The following PTPRC variants were observed in gnomAD, a reference collection of about 807,000 sequenced individuals.
The protein encoded by PTPRC is receptor-type tyrosine-protein phosphatase C.
A neutral mutation model predicts 155.9 loss-of-function variants in PTPRC; 44 were observed. The observed-to-expected ratio is 0.28, with a 90% CI of 0.22 to 0.36. The LOEUF (loss-of-function observed/expected upper bound fraction) is 0.36, where lower values mean the gene tolerates loss of function less well. Among genes scored for constraint, PTPRC ranks in the 10% least tolerant of loss-of-function variants. The pLI is 1.00. For synonymous variants in PTPRC, 525 were observed against 533.1 expected (o/e 0.98, Z 0.21); for missense variants, 1,401 against 1,564.6 (o/e 0.90, Z 1.76).
rs1026981753 is a variant in PTPRC, at chr1:198,692,378, G to A, written c.100+5G>A. On this transcript the variant is annotated splice_donor_5th_base_variant and intron_variant, in intron 3 of 32. Coordinates refer to ENST00000442510, the MANE Select transcript of PTPRC (RefSeq NM_002838.5). ...GCCCAACACCTTCCCCCACTGGTAA[G>A]AATTAATATTTATATTTTTACTAAT... 2.8e-6 allele frequency: 4 copies of A among 1,448,270 alleles called. No individual in the cohort carries two copies. Among genetic ancestry groups the A allele is most frequent in the Non-Finnish European group, 3.7e-6 (4 of 1,092,790 alleles). The allele number at this position is 1,448,270 out of a possible 1,614,324, so 89.7% of individuals were successfully genotyped here.
chr1:198,639,265 A>C lies in PTPRC; in HGVS notation c.-4A>C, dbSNP rs376285687. 36 of 1,613,164 alleles carry C rather than the reference A, an allele frequency of 2.2e-5. No homozygotes were observed. Among genetic ancestry groups the C allele is most frequent in the African/African-American group, 2.7e-5 (2 of 74,890 alleles). On this transcript the variant is annotated 5_prime_UTR_variant, in exon 2 of 33. Transcript: ENST00000442510. ...TTTCTTAGGGACACGGCTGACTTCCAGATATGACCATGTATTTGTGGCTTA... is the reference window on the plus strand; with the variant it reads ...TTTCTTAGGGACACGGCTGACTTCCCGATATGACCATGTATTTGTGGCTTA...
At chr1:198,747,731 T>C (rs1047808566) in intron 26 of PTPRC, among the ~76,000 whole-genome samples, 2 of 151,946 alleles carry the variant, frequency 1.3e-5, no homozygotes, top group Non-Finnish European at 2.9e-5. Context: ...CTCCTAAGAA[T>C]GTGTTGTCTC....
At chr1:198,687,176 A>C (rs1431485736) in intron 2 of PTPRC, among the ~76,000 whole-genome samples, 1 of 152,130 alleles carries the variant, frequency 6.6e-6, no homozygotes. Flanking sequence ...TATTTTAAGT[A>C]GAGACGAGGT....
At chr1:198,750,343 C>G in intron 28 of PTPRC, 149 bp from the exon 29 acceptor site, 1 of 801,666 alleles carries the variant, frequency 1.2e-6, no homozygotes, top group Non-Finnish European at 2.1e-6. Flanking sequence ...ATAGCTATTA[C>G]ATTGTTTCTT....
chr1:198,749,680 A>G (rs1655294239), intron 28 of PTPRC, 131 bp downstream of exon 28: 2 of 847,556 alleles, frequency 2.4e-6, no homozygotes, highest in East Asian at 5.4e-5. Flanking sequence ...GATTGACATG[A>G]GAGTTTCAAT....
intron 2 of PTPRC, among the ~76,000 whole-genome samples, chr1:198,686,690 A>T (rs1665643051): frequency 6.6e-6 from 1 of 152,226 alleles, no homozygotes; most frequent in Non-Finnish European, 1.5e-5. Flanking sequence ...CATATATTGT[A>T]GTGTAATTTG....
At chr1:198,682,516 A>G (rs1297733140) in intron 2 of PTPRC, among the ~76,000 whole-genome samples, 2 of 152,184 alleles carry the variant, frequency 1.3e-5, no homozygotes, top group African/African-American at 2.4e-5. Context: ...TGCTGTAAAC[A>G]CGTTTCTACA....
intron 22 of PTPRC, 130 bp downstream of exon 22, chr1:198,734,555 A>C: frequency 1.2e-6 from 1 of 835,190 alleles, no homozygotes; most frequent in Non-Finnish European, 2.0e-6. Flanking sequence ...ATCAGTGTTA[A>C]CATTTAATTT....
chr1:198,739,352 G>T (rs556632763), intron 23 of PTPRC, among the ~76,000 whole-genome samples: 20 of 151,830 alleles, frequency 1.3e-4, no homozygotes, highest in Non-Finnish European at 2.5e-4. Context: ...CACCTGTAAA[G>T]ACACAAATAG....
At chr1:198,740,581 C>A (rs1443371502) in intron 23 of PTPRC, among the ~76,000 whole-genome samples, 1 of 149,126 alleles carries the variant, frequency 6.7e-6, no homozygotes. Context: ...GACTTTATCT[C>A]AAAAAAAAAG....
chr1:198,716,564 A>T, intron 12 of PTPRC, 118 bp from the exon 13 acceptor site: 2 of 846,506 alleles, frequency 2.4e-6, no homozygotes, highest in Non-Finnish European at 3.8e-6. Context: ...CTTATTTTTC[A>T]ATCACTCAAT....
chr1:198,737,004 A>G (rs1654673298), intron 23 of PTPRC, among the ~76,000 whole-genome samples: 2 of 151,796 alleles, frequency 1.3e-5, no homozygotes, highest in African/African-American at 4.8e-5. Context: ...AGAAATGTCT[A>G]TTCAGATCTT....
At chr1:198,670,456 TAC>T (rs1664578588) in intron 2 of PTPRC, among the ~76,000 whole-genome samples, 1 of 152,096 alleles carries the variant, frequency 6.6e-6, no homozygotes, top group Non-Finnish European at 1.5e-5. Context: ...ATTAATAACT[TAC>T]ACAAAAAATT....
intron 2 of PTPRC, among the ~76,000 whole-genome samples, chr1:198,644,694 T>C (rs1197566335): frequency 6.6e-6 from 1 of 151,806 alleles, no homozygotes; most frequent in African/African-American, 2.4e-5. Context: ...ATAAAGTCAA[T>C]ATTAGTGAAG....
At chr1:198,679,029 T>G (rs1225985085) in intron 2 of PTPRC, 7 of 182,914 alleles carry the variant, frequency 3.8e-5, no homozygotes, top group Non-Finnish European at 7.9e-5. Context: ...AGGTCTTGCA[T>G]GTGCAAAGGG....
At chr1:198,680,012 G>A in intron 2 of PTPRC, 1 of 565,150 alleles carries the variant, frequency 1.8e-6, no homozygotes, top group South Asian at 2.1e-5. Context: ...AGGCTCAAGG[G>A]CCTGGACCGC....
At chr1:198,656,037 A>G (rs934397080) in intron 2 of PTPRC, among the ~76,000 whole-genome samples, 7 of 152,110 alleles carry the variant, frequency 4.6e-5, no homozygotes, top group African/African-American at 1.4e-4. Flanking sequence ...GAGATATCAC[A>G]TAATTTTTAA....
rs747055380 is a variant in PTPRC, at chr1:198,699,597, C to A, written c.332C>A (p.Thr111Lys). Residue 111 changes from threonine to lysine, a missense_variant, in exon 5 of 33, where the codon ACG (threonine) becomes AAG (lysine). Physicochemically the swap from Thr to Lys is moderately conservative, Grantham distance 78. Transcript: ENST00000442510. Reference sequence around the variant, plus strand: ...TCAGTACAGACGCCTCACCTTCCCACGCACGCAGACTCGCAGACGCCCTCT... The same window carrying A: ...TCAGTACAGACGCCTCACCTTCCCAAGCACGCAGACTCGCAGACGCCCTCT... ...VSSVQTPHLP[T>K]HADSQTPSAG... 3.7e-6 allele frequency: 6 copies of A among 1,614,224 alleles called. No homozygotes were observed. Among genetic ancestry groups the A allele is most frequent in the South Asian group, 1.1e-5 (1 of 91,090 alleles).
chr1:198,731,563 A>G lies in PTPRC; in HGVS notation c.1865-54A>G. 4.6e-6 allele frequency: 6 copies of G among 1,317,218 alleles called. No individual in the cohort carries two copies. The South Asian group carries it at 7.1e-5, about 16-fold the overall frequency. The allele number at this position is 1,317,218 out of a possible 1,614,324, so 81.6% of individuals were successfully genotyped here. A position where few individuals can be genotyped will look rare whatever the true frequency, so the allele number is the denominator to read the frequency against. On this transcript the variant is annotated intron_variant, in intron 17 of 32. Coordinates refer to ENST00000442510, the MANE Select transcript of PTPRC (RefSeq NM_002838.5). Reference sequence around the variant, plus strand: ...ACGGTGTAAATTTAATGAAATGTGTATGCCCACCTGAAAGACACATGTAAC... The same window carrying G: ...ACGGTGTAAATTTAATGAAATGTGTGTGCCCACCTGAAAGACACATGTAAC...
Sources: gnomAD v4.1 joint callset for allele counts (sites outside exome capture counted in the v4.1 genomes callset) on GRCh38, gnomAD v4.1.1 for gene constraint, MANE v1.5 for transcripts, NCBI Gene and HGNC (gene_info 2026-07-23, HGNC 2026-07-21) for gene names.